TRIM58: variants seen among roughly 807,000 people sequenced by gnomAD.
The protein encoded by TRIM58 is E3 ubiquitin-protein ligase TRIM58.
Under a neutral mutation model 34.1 loss-of-function variants are expected in TRIM58, and 38 were observed. The ratio of observed to expected loss-of-function variants is 1.12; its 90% confidence interval spans 0.86 to 1.46. The LOEUF (loss-of-function observed/expected upper bound fraction) is 1.46. Among genes scored for constraint, TRIM58 ranks in the 40% most tolerant of loss-of-function variants. The pLI, the probability that TRIM58 is intolerant of heterozygous loss-of-function variation, is 0.00. For synonymous variants in TRIM58, 273 were observed against 275.7 expected, an observed-to-expected ratio of 0.99 and a Z score of 0.10; for missense variants, 677 against 642.0, an observed-to-expected ratio of 1.05 and a Z score of -0.59.
chr1:247,873,465 C>A (rs1222000810), intron 5 of TRIM58, among the ~76,000 whole-genome samples: 1 of 152,114 alleles, frequency 6.6e-6, no homozygotes, highest in Non-Finnish European at 1.5e-5. Flanking sequence ...GAATACATGA[C>A]CTGTTAGATT....
intron 1 of TRIM58, among the ~76,000 whole-genome samples, chr1:247,858,752 C>CTTT (rs386370399): frequency 0.034 from 2,945 of 87,842 alleles, 733 homozygotes; most frequent in East Asian, 0.18. Context: ...TTGGTAGTAA[C>CTTT]TTTTTTTTTT....
At chr1:247,859,555 C>T (rs943378736) in intron 1 of TRIM58, among the ~76,000 whole-genome samples, 2 of 152,106 alleles carry the variant, frequency 1.3e-5, no homozygotes, top group Admixed American at 6.6e-5. Flanking sequence ...CTCTAGTGAG[C>T]GCCCTATCAT....
Position 247,871,642 on chromosome 1 carries a change from T to C in TRIM58, c.871+3579T>C, listed in dbSNP as rs77098985. Reference sequence around the variant, plus strand: ...ATGCCCAACTTGATTAAAATCGTCATGGCACCCTCAGACTCAGCAACCTCA... The same window carrying C: ...ATGCCCAACTTGATTAAAATCGTCACGGCACCCTCAGACTCAGCAACCTCA... On this transcript the variant is annotated intron_variant, in intron 5 of 5. Coordinates refer to ENST00000366481, the MANE Select transcript of TRIM58 (RefSeq NM_015431.4). Among the ~76,000 whole-genome samples, 318 of 152,322 alleles carry C rather than the reference T, an allele frequency of 2.1e-3. 6 individuals are homozygous for C. The East Asian group carries it at 0.041, about 19-fold the overall frequency.
At position 247,857,280 on chromosome 1, in the gene TRIM58, G is replaced by T; in HGVS notation, c.34G>T (p.Glu12Ter). Residue 12 changes from glutamate (E) to a stop codon, truncating the protein, a stop_gained, in exon 1 of 6, where the codon GAG (glutamate) becomes TAG (stop). Coordinates refer to ENST00000366481, the MANE Select transcript of TRIM58 (RefSeq NM_015431.4). LOFTEE classifies it high-confidence loss of function. Reference sequence around the variant, plus strand: ...GGCGCCGCCCGGGGAGCGGCTGCGCGAGGATGCGCGGTGCCCGGTGTGCCT... The same window carrying T: ...GGCGCCGCCCGGGGAGCGGCTGCGCTAGGATGCGCGGTGCCCGGTGTGCCT... Reference protein sequence around the residue: ...AWAPPGERLREDARCPVCLDF... With the variant: ...AWAPPGERLR 1 of 1,366,090 alleles carries T rather than the reference G, an allele frequency of 7.3e-7. No individual in the cohort carries two copies. The highest frequency in any genetic ancestry group is 1.5e-5 in the African/African-American group (1 of 66,686). 84.6% of individuals were successfully genotyped at this position (1,366,090 alleles called of 1,614,324 possible). A position where few individuals can be genotyped will look rare whatever the true frequency, so the allele number is the denominator to read the frequency against.
chr1:247,860,251 GC>G (rs1470605227), intron 1 of TRIM58, among the ~76,000 whole-genome samples: 1 of 152,144 alleles, frequency 6.6e-6, no homozygotes, highest in African/African-American at 2.4e-5. Flanking sequence ...CTCTCTGGAG[GC>G]CAGCAGTTTG....
rs763583599 is a variant in TRIM58, at chr1:247,878,168, TAA to T, written c.*1681_*1682del. The T allele has an allele frequency of 2.6e-5, 1 of 37,888 alleles. No homozygotes were observed. The highest frequency in any genetic ancestry group is 5.0e-5 in the Non-Finnish European group (1 of 20,194). The allele number at this position is 37,888 out of a possible 1,614,324, so 2.3% of individuals were successfully genotyped here. ...ACAGAGCAAGACTCCATCTCAAAAA[TAA>T]ATAAATAAATAAATAAATAAATAAA... is the stretch of plus-strand genomic sequence containing the variant. On this transcript the variant is annotated 3_prime_UTR_variant, in exon 6 of 6. Transcript: ENST00000366481.
At position 247,857,568 on chromosome 1, in the gene TRIM58, G is replaced by C; in HGVS notation, c.322G>C (p.Glu108Gln). The C allele has an allele frequency of 7.9e-7, 1 of 1,267,090 alleles. No homozygotes were observed. Among genetic ancestry groups the C allele is most frequent in the Non-Finnish European group, 9.9e-7 (1 of 1,010,704 alleles). The allele number at this position is 1,267,090 out of a possible 1,614,324, so 78.5% of individuals were successfully genotyped here. A position where few individuals can be genotyped will look rare whatever the true frequency, so the allele number is the denominator to read the frequency against. The change falls in exon 1 of 6, where the codon GAG (glutamate) becomes CAG (glutamine). Residue 108 changes from glutamate to glutamine, a missense_variant. By Grantham distance (29) the Glu-to-Gln change is conservative. Transcript: ENST00000366481. ...RHGEDLSRFC[E>Q]EDEAALCWVC... ...CGGCGAGGACCTGAGCCGCTTCTGC[G>C]AGGAGGACGAGGCGGCGCTGTGCTG...
chr1:247,876,561 A>G lies in TRIM58; in HGVS notation c.*72A>G. 1.7e-6 allele frequency: 2 copies of G among 1,178,494 alleles called. No individual in the cohort carries two copies. The highest frequency in any genetic ancestry group is 1.2e-6 in the Non-Finnish European group (1 of 840,102). 73.0% of individuals were successfully genotyped at this position (1,178,494 alleles called of 1,614,324 possible). On this transcript the variant is annotated 3_prime_UTR_variant, in exon 6 of 6. Transcript: ENST00000366481. ...GTGGGGTGAAGGATATCAATATACT[A>G]AGTTTTAACAGATACCCCATTTAGG... is the stretch of plus-strand genomic sequence containing the variant.
At chr1:247,872,090 G>A (rs1469315696) in intron 5 of TRIM58, among the ~76,000 whole-genome samples, 2 of 152,164 alleles carry the variant, frequency 1.3e-5, no homozygotes, top group African/African-American at 2.4e-5. Context: ...CAGGAGGGTC[G>A]GAGAGACCAA....
chr1:247,858,843 C>T (rs1474874020), intron 1 of TRIM58, among the ~76,000 whole-genome samples: 2 of 134,936 alleles, frequency 1.5e-5, no homozygotes, highest in African/African-American at 5.2e-5. Context: ...TCATTGCAAC[C>T]TCCGTCTCCC....
intron 2 of TRIM58, among the ~76,000 whole-genome samples, chr1:247,864,153 C>A (rs1345759912): frequency 6.6e-6 from 1 of 151,992 alleles, no homozygotes; most frequent in Non-Finnish European, 1.5e-5. Flanking sequence ...TTTTTCCCCA[C>A]ATTTTTTAAG....
rs999592916 is a variant in TRIM58, at chr1:247,879,847, T to TC, written c.*3364dup. 1.3e-5 allele frequency among the ~76,000 whole-genome samples: 2 copies of TC among 151,364 alleles called. No homozygotes were observed. The highest frequency in any genetic ancestry group is 2.4e-5 in the African/African-American group (1 of 41,142). On this transcript the variant is annotated 3_prime_UTR_variant, in exon 6 of 6. Transcript: ENST00000366481. ...TCTCAGTGATACCACACAGCCCTAC[T>TC]CCCCCCAGAGCCCATCTAGAGCTCA...
intron 2 of TRIM58, among the ~76,000 whole-genome samples, chr1:247,864,460 G>GC (rs1386261628): frequency 3.3e-5 from 5 of 152,070 alleles, no homozygotes; most frequent in Admixed American, 3.3e-4. Flanking sequence ...AAAGTGCCTT[G>GC]CCCCCAAGCC....
intron 2 of TRIM58, among the ~76,000 whole-genome samples, chr1:247,861,838 T>C (rs1663800612): frequency 6.6e-6 from 1 of 152,054 alleles, no homozygotes; most frequent in South Asian, 2.1e-4. Context: ...AACATGTACA[T>C]TAAGGCCAGG....
At chr1:247,874,577 C>T (rs1466830814) in intron 5 of TRIM58, among the ~76,000 whole-genome samples, 2 of 152,206 alleles carry the variant, frequency 1.3e-5, no homozygotes, top group Non-Finnish European at 2.9e-5. Context: ...TACATCCCCC[C>T]TTCACTGAGG....
At chr1:247,871,118 A>G (rs1212431308) in intron 5 of TRIM58, among the ~76,000 whole-genome samples, 1 of 152,266 alleles carries the variant, frequency 6.6e-6, no homozygotes, top group African/African-American at 2.4e-5. Context: ...ACTGTAGGTC[A>G]TCTCTTATTA....
rs899657776 is a variant in TRIM58, at chr1:247,878,323, C to A, written c.*1834C>A. On this transcript the variant is annotated 3_prime_UTR_variant, in exon 6 of 6. Coordinates refer to ENST00000366481, the MANE Select transcript of TRIM58 (RefSeq NM_015431.4). Reference sequence around the variant, plus strand: ...ATAATCTGCAGAAGGTTTAATTTTCCTCCTCAATTTGAAGTTCAAGATGTT... The same window carrying A: ...ATAATCTGCAGAAGGTTTAATTTTCATCCTCAATTTGAAGTTCAAGATGTT... The A allele has an allele frequency of 6.6e-6, 1 of 151,828 alleles. No homozygotes were observed. The highest frequency in any genetic ancestry group is 2.1e-4 in the South Asian group (1 of 4,818). The allele number at this position is 151,828 out of a possible 1,614,324, so 9.4% of individuals were successfully genotyped here. A position where few individuals can be genotyped will look rare whatever the true frequency, so the allele number is the denominator to read the frequency against.
In TRIM58 at chr1:247,876,122, A is replaced by G. The variant is rs777083249; in HGVS notation, c.1094A>G (p.Asp365Gly). ...GAEWGLGVCQ[D>G]TLPRKGETTP... ...GAGTGGGGTTTAGGGGTCTGTCAAG[A>G]CACACTGCCAAGAAAGGGGGAAACC... The change falls in exon 6 of 6, where the codon GAC (aspartate) becomes GGC (glycine). Residue 365 changes from aspartate to glycine, a missense_variant. Physicochemically the swap from Asp to Gly is moderately conservative, Grantham distance 94. Transcript: ENST00000366481. 6.2e-7 allele frequency: 1 copy of G among 1,614,122 alleles called. No individual in the cohort carries two copies. Among genetic ancestry groups the G allele is most frequent in the Non-Finnish European group, 8.5e-7 (1 of 1,180,000 alleles).
At chr1:247,863,750 A>G (rs1454088618) in intron 2 of TRIM58, among the ~76,000 whole-genome samples, 1 of 152,212 alleles carries the variant, frequency 6.6e-6, no homozygotes, top group Non-Finnish European at 1.5e-5. Flanking sequence ...TTATCTTGAG[A>G]GAAGAAAATC....
Sources: allele counts gnomAD v4.1 joint callset (sites outside exome capture counted in the v4.1 genomes callset), GRCh38; gene constraint gnomAD v4.1.1; transcripts MANE v1.5; gene names NCBI Gene and HGNC (gene_info 2026-07-23, HGNC 2026-07-21).